SBF1: variants seen among roughly 807,000 people sequenced by gnomAD.
The protein encoded by SBF1 is SET binding factor 1.
SBF1 carries 65 observed loss-of-function variants against 215.8 expected under a neutral mutation model. That is an observed-to-expected ratio of 0.30 (90% CI 0.25 to 0.37). The LOEUF is 0.37. Among genes scored for constraint, SBF1 ranks in the 10% least tolerant of loss-of-function variants. The pLI, the probability that SBF1 is intolerant of heterozygous loss-of-function variation, is 1.00. For missense variants in SBF1, 2,634 were observed against 2,667.8 expected, an observed-to-expected ratio of 0.99 and a Z score of 0.28; for synonymous variants, 1,410 against 1,122.8, an observed-to-expected ratio of 1.26 and a Z score of -5.11.
Position 50,462,386 on chromosome 22 carries a change from G to C in SBF1, c.2215C>G (p.Arg739Gly), listed in dbSNP as rs369669175. ...TGCACCAGCTCCTGCTGCTTCTCAC[G>C]ACTCAGAGTTGGCCACAAGCGCCGC... ...EQRRLWPTLS[R>G]EKQQELVQKE... The change falls in exon 19 of 41, where the codon CGT becomes GGT. Residue 739 changes from arginine to glycine, a missense_variant. Transcript: ENST00000380817. 2 of 1,613,962 alleles carry C rather than the reference G, an allele frequency of 1.2e-6. No homozygotes were observed. Among genetic ancestry groups the C allele is most frequent in the Admixed American group, 1.7e-5 (1 of 60,010 alleles).
At chr22:50,464,297 C>G in intron 15 of SBF1, 32 bp downstream of exon 15, 1 of 1,572,242 alleles carries the variant, frequency 6.4e-7, no homozygotes. Context: ...AACCCGCTGC[C>G]CTGGCCCGGC....
intron 24 of SBF1, 28 bp downstream of exon 24, chr22:50,460,506 C>G (rs1403168261): frequency 1.9e-6 from 3 of 1,611,382 alleles, no homozygotes; most frequent in Non-Finnish European, 2.5e-6. Context: ...TGAGGCCCAG[C>G]TGCCCTGCCT....
At chr22:50,472,489 G>C (rs980006138) in intron 1 of SBF1, among the ~76,000 whole-genome samples, 1 of 152,170 alleles carries the variant, frequency 6.6e-6, no homozygotes, top group African/African-American at 2.4e-5. Flanking sequence ...TGTGCCTAGA[G>C]AGTTCACACA....
At chr22:50,471,114 C>G (rs1163607871) in intron 1 of SBF1, among the ~76,000 whole-genome samples, 1 of 152,186 alleles carries the variant, frequency 6.6e-6, no homozygotes, top group African/African-American at 2.4e-5. Flanking sequence ...GGAGGGTGCC[C>G]TCCCCACTCC....
rs578021802 is a variant in SBF1 at position 50,463,387 on chromosome 22, G to C, written c.1795C>G (p.Arg599Gly). The C allele has an allele frequency of 5.0e-6, 8 of 1,597,782 alleles. No individual in the cohort carries two copies. Among genetic ancestry groups the C allele is most frequent in the Non-Finnish European group, 6.8e-6 (8 of 1,171,540 alleles). The change falls in exon 16 of 41, where the codon CGC becomes GGC. Residue 599 changes from arginine (R) to glycine (G), a missense_variant. Transcript: ENST00000380817. ...AGGTGCAGCTCCTGGGCGAGGCAGCGGCGGGCAGCTCGCCCCTTCAGGGCC... is the reference window on the plus strand; with the variant it reads ...AGGTGCAGCTCCTGGGCGAGGCAGCCGCGGGCAGCTCGCCCCTTCAGGGCC... ...LRALKGRAAR[R>G]CLAQELHLHV...
At chr22:50,465,734 C>T in intron 10 of SBF1, 29 bp downstream of exon 10, 1 of 1,569,598 alleles carries the variant, frequency 6.4e-7, no homozygotes. Context: ...TGCCTGGGGT[C>T]CCCATGCAGG....
chr22:50,453,912 G>C (rs1017914270), intron 36 of SBF1, among the ~76,000 whole-genome samples: 14 of 152,176 alleles, frequency 9.2e-5, no homozygotes, highest in African/African-American at 3.4e-4. Flanking sequence ...CAGAGACTCC[G>C]GGATGGCCCC....
chr22:50,459,792 G>GCCCCCCAGCCA lies in SBF1; in HGVS notation c.3492-137_3492-127dup. ...GAGGCGCTTCCAGCTCAGCCACGGG[G>GCCCCCCAGCCA]CCCCCCAGCCACCCCCCAGCCCTGT... On this transcript the variant is annotated intron_variant, in intron 26 of 40. Coordinates refer to ENST00000380817, the MANE Select transcript of SBF1 (RefSeq NM_002972.4). 4 of 1,317,936 alleles carry GCCCCCCAGCCA rather than the reference G, an allele frequency of 3.0e-6. 1 individual carries two copies. The South Asian group carries it at 4.2e-5, about 14-fold the overall frequency. 81.6% of individuals were successfully genotyped at this position (1,317,936 alleles called of 1,614,324 possible). A position where few individuals can be genotyped will look rare whatever the true frequency, so the allele number is the denominator to read the frequency against.
rs1420131503 is a variant in SBF1, at chr22:50,460,637, G to A, written c.3043C>T (p.Arg1015Trp). Residue 1015 changes from arginine to tryptophan, a missense_variant, in exon 24 of 41, where the codon CGG becomes TGG. By Grantham distance (101) the Arg-to-Trp change is moderately radical. Coordinates refer to ENST00000380817, the MANE Select transcript of SBF1 (RefSeq NM_002972.4). ...GTGGCCCTGATGTCCGGCGGGTACC[G>A]CAGCTTATGCAGCTGCTTACGGAAG... ...ELFRKQLHKL[R>W]YPPDIRATFA... 7 of 1,614,060 alleles carry A rather than the reference G, an allele frequency of 4.3e-6. No individual in the cohort carries two copies. Among genetic ancestry groups the A allele is most frequent in the Admixed American group, 1.7e-5 (1 of 60,034 alleles).
intron 1 of SBF1, among the ~76,000 whole-genome samples, chr22:50,471,411 C>T (rs756287010): frequency 5.9e-5 from 9 of 152,242 alleles, no homozygotes; most frequent in Admixed American, 1.3e-4. Context: ...CAGGCTCTGA[C>T]GCCTGGAGGG....
At chr22:50,460,196 A>C in intron 25 of SBF1, 37 bp from the exon 26 acceptor site, 27 of 1,605,376 alleles carry the variant, frequency 1.7e-5, no homozygotes, top group Non-Finnish European at 2.2e-5. Flanking sequence ...TCACGGGGCC[A>C]CTCCGCCTGC....
At chr22:50,449,340 G>A (rs1417596955) in intron 36 of SBF1, among the ~76,000 whole-genome samples, 1 of 151,956 alleles carries the variant, frequency 6.6e-6, no homozygotes, top group Non-Finnish European at 1.5e-5. Flanking sequence ...TTTAGGGCCA[G>A]GCGCGGTGGC....
chr22:50,459,419 G>A (rs779702894), intron 27 of SBF1, 27 bp from the exon 28 acceptor site: 27 of 1,611,812 alleles, frequency 1.7e-5, no homozygotes, highest in Non-Finnish European at 2.1e-5. Flanking sequence ...AGCTGAGGGA[G>A]GGGAGGGTGA....
chr22:50,454,473 G>C, intron 36 of SBF1, 39 bp downstream of exon 36: 1 of 1,546,576 alleles, frequency 6.5e-7, no homozygotes, highest in Non-Finnish European at 8.9e-7. Flanking sequence ...CGAGAGGAGG[G>C]GGGTGCCAGG....
In SBF1 at chr22:50,459,606, G is replaced by C. The variant is rs775093859; in HGVS notation, c.3552C>G (p.Ser1184=). 9.9e-6 allele frequency: 16 copies of C among 1,609,940 alleles called. No individual in the cohort carries two copies. Among genetic ancestry groups the C allele is most frequent in the Non-Finnish European group, 1.4e-5 (16 of 1,178,914 alleles). ...GGAAGCGGTTCTGGCGGTAGCAGCGGGACACGCGCTGCAGGGCGTTGTCCT... is the reference window on the plus strand; with the variant it reads ...GGAAGCGGTTCTGGCGGTAGCAGCGCGACACGCGCTGCAGGGCGTTGTCCT... The part of the protein sequence containing the change: ...SVQDNALQRV[S]RCYRQNRFPV... Residue 1184 remains serine, a synonymous_variant, in exon 27 of 41, where the codon TCC becomes TCG. Transcript: ENST00000380817.
In SBF1 at chr22:50,464,936, G is replaced by T. The variant is rs1444666226; in HGVS notation, c.1333-19C>A. On this transcript the variant is annotated intron_variant, in intron 12 of 40. Coordinates refer to ENST00000380817, the MANE Select transcript of SBF1 (RefSeq NM_002972.4). Reference sequence around the variant, plus strand: ...CCACCAGCTAGCGGGGTAAGCAGGAGGTTAGGTAAGCCATGGTCAGGCGGA... The same window carrying T: ...CCACCAGCTAGCGGGGTAAGCAGGATGTTAGGTAAGCCATGGTCAGGCGGA... 1.2e-6 allele frequency: 2 copies of T among 1,613,742 alleles called. No individual in the cohort carries two copies. Among genetic ancestry groups the T allele is most frequent in the African/African-American group, 2.7e-5 (2 of 74,938 alleles).
rs71198252 is a variant in SBF1 at position 50,474,965 on chromosome 22, CGCGGCG to C, written c.-131_-126del. 1.9e-3 allele frequency: 527 copies of C among 274,568 alleles called. 1 individual carries two copies. Among genetic ancestry groups the C allele is most frequent in the Middle Eastern group, 2.8e-3 (2 of 704 alleles). The allele number at this position is 274,568 out of a possible 1,614,324, so 17.0% of individuals were successfully genotyped here. A position where few individuals can be genotyped will look rare whatever the true frequency, so the allele number is the denominator to read the frequency against. On this transcript the variant is annotated 5_prime_UTR_variant, in exon 1 of 41. Transcript: ENST00000380817. Reference sequence around the variant, plus strand: ...CACCCCGGACACCCCTGGTTCGCTCCGCGGCGGCGGCGGCGGCGGCGGCGGCGGCCC... The same window carrying C: ...CACCCCGGACACCCCTGGTTCGCTCCGCGGCGGCGGCGGCGGCGGCGGCCC...
chr22:50,455,538 C>A lies in SBF1; in HGVS notation c.4311G>T (p.Leu1437=). ...CCACCAGCACGGAGGAGCCTGAATC[C>A]AGGAGCTCCACCACCAGCACAGACA... is the stretch of plus-strand genomic sequence containing the variant. ...LQVSVLVVEL[L]DSGSSVLVGL... is the part of the protein sequence containing the mutation. Residue 1437 remains leucine, a synonymous_variant, in exon 32 of 41, where the codon CTG becomes CTT. Transcript: ENST00000380817. 1 of 1,597,158 alleles carries A rather than the reference C, an allele frequency of 6.3e-7. No individual in the cohort carries two copies. The highest frequency in any genetic ancestry group is 2.3e-5 in the East Asian group (1 of 43,826).
In SBF1 at chr22:50,459,636, A is replaced by G; in HGVS notation, c.3522T>C (p.Ser1174=). ...CGCGCTGCAGGGCGTTGTCCTGGACACTCTGGGGCACGATCAGCAGCCCTG... is the reference window on the plus strand; with the variant it reads ...CGCGCTGCAGGGCGTTGTCCTGGACGCTCTGGGGCACGATCAGCAGCCCTG... The part of the protein sequence containing the change: ...SYPGLLIVPQ[S]VQDNALQRVS... The change falls in exon 27 of 41, where the codon AGT becomes AGC. Residue 1174 remains serine (S), a synonymous_variant. Transcript: ENST00000380817. 5 of 1,607,518 alleles carry G rather than the reference A, an allele frequency of 3.1e-6. No homozygotes were observed. The highest frequency in any genetic ancestry group is 4.2e-6 in the Non-Finnish European group (5 of 1,177,936).
Sources: allele counts gnomAD v4.1 joint callset (sites outside exome capture counted in the v4.1 genomes callset), GRCh38; gene constraint gnomAD v4.1.1; transcripts MANE v1.5; gene names NCBI Gene and HGNC (gene_info 2026-07-23, HGNC 2026-07-21).